The following TTC7B variants were observed in gnomAD, a reference collection of about 807,000 sequenced individuals.
The protein encoded by TTC7B is tetratricopeptide repeat domain 7B, also known as tetratricopeptide repeat protein 7B.
TTC7B carries 28 observed loss-of-function variants against 106.8 expected under a neutral mutation model. The ratio of observed to expected loss-of-function variants is 0.26; its 90% CI spans 0.19 to 0.36. The LOEUF is 0.36. Ranked by LOEUF, TTC7B falls within the 10% of genes least tolerant of loss-of-function variation. TTC7B has a pLI of 1.00. For missense variants in TTC7B, 862 were observed against 1,076.4 expected (o/e 0.80, Z 2.79); for synonymous variants, 405 against 430.6 (o/e 0.94, Z 0.74).
intron 15 of TTC7B, among the ~76,000 whole-genome samples, chr14:90,621,538 C>T (rs1023846150): frequency 5.3e-5 from 8 of 152,086 alleles, no homozygotes; most frequent in South Asian, 2.1e-4. Context: ...GCAGAAGCCA[C>T]GTGGGTACGG....
At position 90,725,490 on chromosome 14, in the gene TTC7B, T is replaced by C. The variant is rs865900663; in HGVS notation, c.698+4585A>G. ...GCTAAACAATTGCAAAGAGATTATA[T>C]GGGAAGATTGAAAGCTTTTTAAAGT... On this transcript the variant is annotated intron_variant, in intron 5 of 19. Coordinates refer to ENST00000328459, the MANE Select transcript of TTC7B (RefSeq NM_001010854.2). Among the ~76,000 whole-genome samples the C allele has an allele frequency of 3.7e-4, 56 of 152,200 alleles. 1 individual carries two copies. Among genetic ancestry groups the C allele is most frequent in the Non-Finnish European group, 1.5e-5 (1 of 68,026 alleles).
intron 19 of TTC7B, among the ~76,000 whole-genome samples, chr14:90,555,935 G>A (rs1433092230): frequency 1.3e-5 from 2 of 152,246 alleles, no homozygotes; most frequent in African/African-American, 2.4e-5. Flanking sequence ...CGTCAGGGGA[G>A]GGTGATGGGG....
At chr14:90,744,740 A>G in intron 4 of TTC7B, 52 bp downstream of exon 4, 1 of 1,589,880 alleles carries the variant, frequency 6.3e-7, no homozygotes, top group Admixed American at 1.8e-5. Context: ...GTTGTCCACT[A>G]TCTGATTTGA....
chr14:90,700,981 C>T (rs1359769486), intron 5 of TTC7B, among the ~76,000 whole-genome samples: 3 of 151,910 alleles, frequency 2.0e-5, no homozygotes, highest in Non-Finnish European at 2.9e-5. Context: ...TGGAGTCCAG[C>T]TTCCCCCTCT....
chr14:90,603,686 T>G (rs1297368948), intron 17 of TTC7B, among the ~76,000 whole-genome samples: 6 of 152,210 alleles, frequency 3.9e-5, no homozygotes, highest in Admixed American at 2.0e-4. Flanking sequence ...TTGGGCTAAT[T>G]TTCCCTTCTA....
chr14:90,586,770 T>A (rs1473476858), intron 18 of TTC7B, among the ~76,000 whole-genome samples: 3 of 152,152 alleles, frequency 2.0e-5, no homozygotes, highest in African/African-American at 7.2e-5. Flanking sequence ...GCATCCTGAC[T>A]TCCTTGTCCT....
chr14:90,659,497 G>C (rs898874316), intron 9 of TTC7B, among the ~76,000 whole-genome samples: 2 of 152,132 alleles, frequency 1.3e-5, no homozygotes, highest in African/African-American at 2.4e-5. Flanking sequence ...AGAGTATTCA[G>C]AGGCAAGGCA....
At chr14:90,637,672 G>T (rs1885002842) in intron 15 of TTC7B, among the ~76,000 whole-genome samples, 1 of 152,046 alleles carries the variant, frequency 6.6e-6, no homozygotes, top group African/African-American at 2.4e-5. Flanking sequence ...ATCAAGTTGG[G>T]CTTATTCCAA....
At chr14:90,632,127 T>C (rs74081251) in intron 15 of TTC7B, among the ~76,000 whole-genome samples, 261 of 152,286 alleles carry the variant, frequency 1.7e-3, no homozygotes, top group African/African-American at 6.1e-3. Flanking sequence ...CCTGGGGTGG[T>C]TACTGTGTGC....
chr14:90,660,600 A>T (rs1459260092), intron 9 of TTC7B, among the ~76,000 whole-genome samples: 1 of 152,102 alleles, frequency 6.6e-6, no homozygotes, highest in African/African-American at 2.4e-5. Flanking sequence ...TGCTGCTAGG[A>T]GGCCAGTGCA....
At chr14:90,560,690 C>G (rs1890536034) in intron 19 of TTC7B, among the ~76,000 whole-genome samples, 1 of 152,202 alleles carries the variant, frequency 6.6e-6, no homozygotes, top group South Asian at 2.1e-4. Context: ...CTCAGCAACA[C>G]AGCCTTCTGA....
intron 16 of TTC7B, among the ~76,000 whole-genome samples, chr14:90,613,431 T>C (rs1349518703): frequency 6.6e-6 from 1 of 152,110 alleles, no homozygotes; most frequent in Non-Finnish European, 1.5e-5. Context: ...TTGTGACCGA[T>C]TGAGAATTTT....
At chr14:90,695,676 T>C in intron 5 of TTC7B, 98 bp from the exon 6 acceptor site, 1 of 650,724 alleles carries the variant, frequency 1.5e-6, no homozygotes, top group South Asian at 3.1e-5. Flanking sequence ...ATAAAAGCTG[T>C]TGGCTAGATT....
At position 90,696,640 on chromosome 14, in the gene TTC7B, A is replaced by C. The variant is rs183336310; in HGVS notation, c.699-1062T>G. 1.6e-4 allele frequency among the ~76,000 whole-genome samples: 25 copies of C among 152,318 alleles called. No homozygotes were observed. In the East Asian group the frequency reaches 4.4e-3, roughly 27 times the overall value. ...CATGAGGGCTATTAATTCGCATCTT[A>C]TACCTACATGACATCCCAGGGCTCT... is the stretch of plus-strand genomic sequence containing the variant. On this transcript the variant is annotated intron_variant, in intron 5 of 19. Coordinates refer to ENST00000328459, the MANE Select transcript of TTC7B (RefSeq NM_001010854.2).
chr14:90,809,615 G>A (rs909778285), intron 1 of TTC7B, among the ~76,000 whole-genome samples: 8 of 152,268 alleles, frequency 5.3e-5, no homozygotes, highest in Non-Finnish European at 8.8e-5. Context: ...GAGTCATCAC[G>A]TAATATTGAT....
chr14:90,721,788 A>G (rs74417320), intron 5 of TTC7B, among the ~76,000 whole-genome samples: 7,080 of 152,262 alleles, frequency 0.046, 201 homozygotes, highest in Non-Finnish European at 0.061. Context: ...TGTTTCCCCA[A>G]TGATACATAA....
chr14:90,589,185 A>C (rs545307458), intron 18 of TTC7B, among the ~76,000 whole-genome samples: 1 of 152,212 alleles, frequency 6.6e-6, no homozygotes, highest in Non-Finnish European at 1.5e-5. Context: ...AATGGACAAA[A>C]CTTATCAAAA....
At chr14:90,591,013 C>T (rs556465783) in intron 18 of TTC7B, among the ~76,000 whole-genome samples, 23 of 152,254 alleles carry the variant, frequency 1.5e-4, no homozygotes, top group Non-Finnish European at 2.2e-4. Flanking sequence ...CAATGAGAAA[C>T]GGATCTTGTG....
intron 19 of TTC7B, among the ~76,000 whole-genome samples, chr14:90,573,797 G>A (rs1031994921): frequency 3.9e-5 from 6 of 152,188 alleles, no homozygotes; most frequent in African/African-American, 1.4e-4. Context: ...ACCTGTCAAA[G>A]GGACTGGAGG....
Sources: allele counts gnomAD v4.1 joint callset (sites outside exome capture counted in the v4.1 genomes callset), GRCh38; gene constraint gnomAD v4.1.1; transcripts MANE v1.5; gene names NCBI Gene and HGNC (gene_info 2026-07-23, HGNC 2026-07-21).